Variants in LDLRAD3 observed in about 807,000 individuals in gnomAD.
The protein encoded by LDLRAD3 is low density lipoprotein receptor class A domain containing 3.
LDLRAD3 carries 20 observed loss-of-function variants against 29.4 expected under a neutral mutation model. That is an observed-to-expected ratio of 0.68 (90% confidence interval 0.48 to 0.99). The LOEUF (loss-of-function observed/expected upper bound fraction) is 0.99. Ranked by LOEUF, LDLRAD3 falls within the 50% of genes least tolerant of loss-of-function variation. The pLI is 0.00. For synonymous variants in LDLRAD3, 157 were observed against 192.7 expected (o/e 0.81, Z 1.53); for missense variants, 420 against 454.3 (o/e 0.92, Z 0.69).
intron 4 of LDLRAD3, among the ~76,000 whole-genome samples, chr11:36,187,834 C>A (rs1037577773): frequency 3.3e-5 from 5 of 152,186 alleles, no homozygotes; most frequent in African/African-American, 1.2e-4. Context: ...AGACAAGCCT[C>A]TGTCTCCTGA....
chr11:35,983,323 C>G (rs1851566603), intron 1 of LDLRAD3, among the ~76,000 whole-genome samples: 1 of 151,892 alleles, frequency 6.6e-6, no homozygotes. Flanking sequence ...TTACCTGTTC[C>G]TTTTTACCTG....
chr11:36,010,520 A>G (rs1182722518), intron 1 of LDLRAD3, among the ~76,000 whole-genome samples: 2 of 152,156 alleles, frequency 1.3e-5, no homozygotes, highest in African/African-American at 4.8e-5. Flanking sequence ...AGGTTAACCT[A>G]CCTGAAGCAT....
At chr11:36,054,053 G>A (rs933717462) in intron 2 of LDLRAD3, among the ~76,000 whole-genome samples, 6 of 152,150 alleles carry the variant, frequency 3.9e-5, no homozygotes, top group East Asian at 1.9e-4. Context: ...AAGTGTAAAC[G>A]ATTATGAAAA....
rs375001480 is a variant in LDLRAD3 at position 36,161,024 on chromosome 11, AC to A, written c.454+62565del. 8.9e-4 allele frequency among the ~76,000 whole-genome samples: 136 copies of A among 152,250 alleles called. 1 individual carries two copies. The East Asian group carries it at 0.018, about 20-fold the overall frequency. Reference sequence around the variant, plus strand: ...TGGCCAGGCTGGTCTTGAACGCCTGACCTCAGGTGATCTGCCCACCTCAGCC... The same window carrying A: ...TGGCCAGGCTGGTCTTGAACGCCTGACTCAGGTGATCTGCCCACCTCAGCC... On this transcript the variant is annotated intron_variant, in intron 4 of 5. Transcript: ENST00000315571.
At chr11:36,092,701 C>G (rs865988259) in intron 3 of LDLRAD3, among the ~76,000 whole-genome samples, 21 of 152,164 alleles carry the variant, frequency 1.4e-4, no homozygotes, top group Admixed American at 5.9e-4. Flanking sequence ...AAGTGGCATC[C>G]CCCTCCCTTT....
At chr11:36,126,003 CTG>C (rs952214742) in intron 4 of LDLRAD3, among the ~76,000 whole-genome samples, 17 of 152,284 alleles carry the variant, frequency 1.1e-4, no homozygotes, top group Admixed American at 2.0e-4. Context: ...TTTGGAGACA[CTG>C]TGGAACCAGG....
intron 1 of LDLRAD3, among the ~76,000 whole-genome samples, chr11:36,032,505 G>C (rs1852248481): frequency 6.6e-6 from 1 of 152,144 alleles, no homozygotes; most frequent in Non-Finnish European, 1.5e-5. Flanking sequence ...GAAGTCCAAA[G>C]GTTTTTTAAT....
At chr11:35,969,510 C>T (rs1265351309) in intron 1 of LDLRAD3, among the ~76,000 whole-genome samples, 2 of 152,186 alleles carry the variant, frequency 1.3e-5, no homozygotes, top group Non-Finnish European at 2.9e-5. Context: ...GTTTTGGTTT[C>T]CACCGAGCAG....
At chr11:36,186,723 C>T (rs1854854749) in intron 4 of LDLRAD3, among the ~76,000 whole-genome samples, 1 of 152,262 alleles carries the variant, frequency 6.6e-6, no homozygotes. Flanking sequence ...CCACCTATTC[C>T]TGTGACTGAT....
intron 2 of LDLRAD3, 53 bp from the exon 3 acceptor site, chr11:36,081,598 TGC>T (rs1853114793): frequency 1.9e-6 from 3 of 1,609,900 alleles, no homozygotes; most frequent in Non-Finnish European, 2.5e-6. Context: ...GGGATGAGTA[TGC>T]AGTCATCTGA....
At chr11:36,054,480 A>G (rs1355039800) in intron 2 of LDLRAD3, among the ~76,000 whole-genome samples, 1 of 152,248 alleles carries the variant, frequency 6.6e-6, no homozygotes, top group Non-Finnish European at 1.5e-5. Context: ...CATGGAACCT[A>G]GAGCATGGGG....
Position 36,036,209 on chromosome 11 carries a change from G to A in LDLRAD3, c.153G>A (p.Gly51=). 1 of 1,614,174 alleles carries A rather than the reference G, an allele frequency of 6.2e-7. No homozygotes were observed. Residue 51 remains glycine (G), a synonymous_variant, in exon 2 of 6, where the codon GGG becomes GGA. Coordinates refer to ENST00000315571, the MANE Select transcript of LDLRAD3 (RefSeq NM_174902.4). ...TCCCGGGCGCCTGGCAGTGTGACGG[G>A]CTGCCTGACTGCTTCGACAAGAGTG... The part of the protein sequence containing the change: ...RCIPGAWQCD[G]LPDCFDKSDE...
chr11:36,017,994 C>T (rs1412429823), intron 1 of LDLRAD3, among the ~76,000 whole-genome samples: 1 of 152,144 alleles, frequency 6.6e-6, no homozygotes, highest in Non-Finnish European at 1.5e-5. Context: ...GTAAGCTGAA[C>T]CAGTTGAGAT....
intron 1 of LDLRAD3, among the ~76,000 whole-genome samples, chr11:35,959,126 C>T (rs1311121456): frequency 6.6e-6 from 1 of 152,150 alleles, no homozygotes; most frequent in Non-Finnish European, 1.5e-5. Flanking sequence ...GAAGGAACGC[C>T]GTCTCCCAGC....
In LDLRAD3 at chr11:36,036,119, C is replaced by A. The variant is rs149080200; in HGVS notation, c.63C>A (p.Pro21=). 6.0e-4 allele frequency: 967 copies of A among 1,613,846 alleles called. 9 individuals are homozygous for A. In the Middle Eastern group the frequency reaches 0.013, roughly 22 times the overall value. Residue 21 remains proline, a synonymous_variant, in exon 2 of 6, where the codon CCC becomes CCA. Transcript: ENST00000315571. ...LSSAAESQLL[P]GNNFTNECNI... ...CTCTGACAGAGAGCCAGCTGCTCCC[C>A]GGGAACAACTTCACCAATGAGTGCA...
At chr11:36,114,547 G>C (rs1259443484) in intron 4 of LDLRAD3, among the ~76,000 whole-genome samples, 1 of 152,200 alleles carries the variant, frequency 6.6e-6, no homozygotes, top group African/African-American at 2.4e-5. Flanking sequence ...CTTTGGTTTT[G>C]CTTTTTCCAT....
At chr11:36,152,172 A>G (rs915193997) in intron 4 of LDLRAD3, among the ~76,000 whole-genome samples, 5 of 152,228 alleles carry the variant, frequency 3.3e-5, no homozygotes, top group African/African-American at 1.2e-4. Context: ...TCCTTTAGCT[A>G]AAGAATCCAT....
chr11:35,947,817 G>A (rs1277890024), intron 1 of LDLRAD3, among the ~76,000 whole-genome samples: 7 of 152,134 alleles, frequency 4.6e-5, no homozygotes, highest in Admixed American at 3.9e-4. Context: ...ATGCTTCCAT[G>A]CCTTTCCTCC....
chr11:35,980,675 T>G (rs951587741), intron 1 of LDLRAD3, among the ~76,000 whole-genome samples: 5 of 152,232 alleles, frequency 3.3e-5, no homozygotes, highest in African/African-American at 9.6e-5. Flanking sequence ...AGACTTCTTT[T>G]ATAATATTCT....
Sources: gnomAD v4.1 joint callset for allele counts (sites outside exome capture counted in the v4.1 genomes callset) on GRCh38, gnomAD v4.1.1 for gene constraint, MANE v1.5 for transcripts, NCBI Gene and HGNC (gene_info 2026-07-23, HGNC 2026-07-21) for gene names.